The following PPARGC1A variants were observed in gnomAD, a reference collection of about 807,000 sequenced individuals.
PPARGC1A encodes the protein peroxisome proliferator-activated receptor gamma coactivator 1-alpha.
Under a neutral mutation model 88.7 loss-of-function variants are expected in PPARGC1A, and 25 were observed. That is an observed-to-expected ratio of 0.28 (90% CI 0.21 to 0.39). The LOEUF is 0.39. PPARGC1A is among the 10% of genes least tolerant of loss of function. PPARGC1A has a pLI of 1.00. For synonymous variants in PPARGC1A, 363 were observed against 355.6 expected, an observed-to-expected ratio of 1.02 and a Z score of -0.24; for missense variants, 880 against 968.7, an observed-to-expected ratio of 0.91 and a Z score of 1.22.
chr4:24,462,463 G>C, the PPARGC1A span, among the ~76,000 whole-genome samples: 1 of 152,022 alleles, frequency 6.6e-6, no homozygotes, highest in South Asian at 2.1e-4. Context: ...TCTGAATGCA[G>C]CCTAACAGGA....
chr4:24,093,417 C>T, the PPARGC1A span, among the ~76,000 whole-genome samples: 5 of 152,162 alleles, frequency 3.3e-5, no homozygotes, highest in Admixed American at 3.3e-4. Flanking sequence ...TTTTAGTAAT[C>T]ACAAGACTAT....
chr4:24,085,584 G>C, the PPARGC1A span, among the ~76,000 whole-genome samples: 2 of 152,260 alleles, frequency 1.3e-5, no homozygotes, highest in South Asian at 4.2e-4. Flanking sequence ...GCTGTGGAGT[G>C]GCCCTATAAA....
chr4:24,270,436 C>T, the PPARGC1A span, among the ~76,000 whole-genome samples: 1 of 151,896 alleles, frequency 6.6e-6, no homozygotes, highest in Non-Finnish European at 1.5e-5. Flanking sequence ...CCAGCATATA[C>T]ATTATTTCAT....
the PPARGC1A span, among the ~76,000 whole-genome samples, chr4:23,954,929 G>A: frequency 6.6e-6 from 1 of 152,036 alleles, no homozygotes; most frequent in African/African-American, 2.4e-5. Flanking sequence ...TTTTACTGCT[G>A]TCTTGCTCTT....
the PPARGC1A span, among the ~76,000 whole-genome samples, chr4:24,117,114 G>A: frequency 6.6e-6 from 1 of 151,722 alleles, no homozygotes; most frequent in African/African-American, 2.4e-5. Flanking sequence ...TTTGTACTGA[G>A]CAAGGGAATT....
chr4:24,281,880 C>T, the PPARGC1A span, among the ~76,000 whole-genome samples: 1 of 152,098 alleles, frequency 6.6e-6, no homozygotes, highest in African/African-American at 2.4e-5. Context: ...AGAAACTTAT[C>T]AAATTCCCAC....
At chr4:24,318,588 C>A in the PPARGC1A span, among the ~76,000 whole-genome samples, 13 of 152,320 alleles carry the variant, frequency 8.5e-5, no homozygotes, top group African/African-American at 3.1e-4. Context: ...CTTAGTCGGG[C>A]ATCATCAAAG....
At chr4:24,115,166 C>T in the PPARGC1A span, among the ~76,000 whole-genome samples, 3 of 152,090 alleles carry the variant, frequency 2.0e-5, no homozygotes, top group South Asian at 6.2e-4. Context: ...TTAGATTCTC[C>T]GTGTTGCATG....
the PPARGC1A span, among the ~76,000 whole-genome samples, chr4:23,955,376 T>C: frequency 6.6e-6 from 1 of 152,118 alleles, no homozygotes; most frequent in Admixed American, 6.6e-5. Context: ...ACAAATTCAT[T>C]ATGATGGCAT....
At chr4:24,005,660 GA>G in the PPARGC1A span, among the ~76,000 whole-genome samples, 2 of 152,138 alleles carry the variant, frequency 1.3e-5, no homozygotes, top group African/African-American at 4.8e-5. Flanking sequence ...AAGGCCAACG[GA>G]AAGGATTGAG....
the PPARGC1A span, among the ~76,000 whole-genome samples, chr4:24,027,549 A>G: frequency 6.6e-6 from 1 of 152,176 alleles, no homozygotes; most frequent in Non-Finnish European, 1.5e-5. Flanking sequence ...TCAGACTGAA[A>G]ACAGTGTGGG....
chr4:24,386,209 T>A, the PPARGC1A span, among the ~76,000 whole-genome samples: 1 of 152,190 alleles, frequency 6.6e-6, no homozygotes, highest in East Asian at 1.9e-4. Flanking sequence ...TGCTAAAAAC[T>A]CTCAATACAC....
the PPARGC1A span, among the ~76,000 whole-genome samples, chr4:24,008,765 G>C: frequency 1.3e-5 from 2 of 151,834 alleles, no homozygotes; most frequent in Non-Finnish European, 2.9e-5. Flanking sequence ...GCAAACAAAA[G>C]CTGGGAAAAG....
chr4:23,883,563 C>T (rs1406874338), intron 2 of PPARGC1A: 1 of 152,080 alleles, frequency 6.6e-6, no homozygotes, highest in African/African-American at 2.4e-5. Flanking sequence ...AACAAATAAC[C>T]TCTCTGAGTT....
the PPARGC1A span, among the ~76,000 whole-genome samples, chr4:24,266,491 G>A: frequency 6.6e-6 from 1 of 152,092 alleles, no homozygotes; most frequent in Non-Finnish European, 1.5e-5. Context: ...ATTGTTTGGG[G>A]TCTTGTGAAT....
chr4:24,426,355 A>G, the PPARGC1A span, among the ~76,000 whole-genome samples: 2 of 152,222 alleles, frequency 1.3e-5, no homozygotes, highest in African/African-American at 4.8e-5. Context: ...CCCAAGTGCC[A>G]TTTAAAAATA....
At chr4:24,020,589 G>T in the PPARGC1A span, among the ~76,000 whole-genome samples, 1 of 152,164 alleles carries the variant, frequency 6.6e-6, no homozygotes, top group Non-Finnish European at 1.5e-5. Context: ...CTTGCAAGGA[G>T]ATGGGCTCCC....
chr4:24,027,456 T>C, the PPARGC1A span, among the ~76,000 whole-genome samples: 1 of 152,258 alleles, frequency 6.6e-6, no homozygotes, highest in Admixed American at 6.5e-5. Context: ...ATAAATCATA[T>C]AAACTACTTG....
chr4:23,978,787 G>A, the PPARGC1A span, among the ~76,000 whole-genome samples: 1 of 152,144 alleles, frequency 6.6e-6, no homozygotes, highest in Admixed American at 6.6e-5. Context: ...CTGCAGGACT[G>A]TGTGTTCATC....
Sources: gnomAD v4.1 joint callset for allele counts (sites outside exome capture counted in the v4.1 genomes callset) on GRCh38, gnomAD v4.1.1 for gene constraint, MANE v1.5 for transcripts, NCBI Gene and HGNC (gene_info 2026-07-23, HGNC 2026-07-21) for gene names.